The following PTPRN2 variants were observed in gnomAD, a reference collection of about 807,000 sequenced individuals.
The protein encoded by PTPRN2 is protein tyrosine phosphatase receptor type N2.
Under a neutral mutation model 118.8 loss-of-function variants are expected in PTPRN2, and 74 were observed. That is an observed-to-expected ratio of 0.62 (90% confidence interval 0.52 to 0.76). The LOEUF is 0.76. Among genes scored for constraint, PTPRN2 ranks in the 30% least tolerant of loss-of-function variants. The probability of loss-of-function intolerance (pLI) is 0.00; values close to 1 mark genes in which losing one functional copy is unlikely to be tolerated. For missense variants in PTPRN2, 1,481 were observed against 1,394.4 expected, an observed-to-expected ratio of 1.06 and a Z score of -0.99; for synonymous variants, 641 against 608.0, an observed-to-expected ratio of 1.05 and a Z score of -0.80.
At chr7:158,453,684 C>A (rs1158074378) in intron 2 of PTPRN2, among the ~76,000 whole-genome samples, 2 of 152,198 alleles carry the variant, frequency 1.3e-5, no homozygotes, top group Admixed American at 6.5e-5. Flanking sequence ...TTTAAGTGAA[C>A]CATATATATG....
chr7:158,212,689 C>A (rs1029797747), intron 3 of PTPRN2, among the ~76,000 whole-genome samples: 4 of 152,110 alleles, frequency 2.6e-5, no homozygotes, highest in Admixed American at 2.0e-4. Flanking sequence ...AGCAAAGATA[C>A]TCCTCATCCA....
chr7:158,043,273 C>T (rs1035892028), intron 11 of PTPRN2, among the ~76,000 whole-genome samples: 1 of 152,168 alleles, frequency 6.6e-6, no homozygotes, highest in African/African-American at 2.4e-5. Context: ...GGAGCAAATC[C>T]CAGGTTTTAA....
chr7:157,557,984 C>T (rs539353129), intron 21 of PTPRN2, among the ~76,000 whole-genome samples: 3 of 150,776 alleles, frequency 2.0e-5, no homozygotes, highest in East Asian at 1.9e-4. Context: ...AAGTTTCTAT[C>T]GACTGCTGGA....
chr7:157,716,349 A>G (rs113910642), intron 12 of PTPRN2, among the ~76,000 whole-genome samples: 2,693 of 66,768 alleles, frequency 0.04, 65 homozygotes, highest in African/African-American at 0.065. Context: ...TAGACTCTGC[A>G]GGAACACTGC....
chr7:158,342,406 C>G (rs375920184), intron 2 of PTPRN2, among the ~76,000 whole-genome samples: 4 of 106,048 alleles, frequency 3.8e-5, no homozygotes, highest in Non-Finnish European at 8.1e-5. Context: ...GTCACTCACA[C>G]CCACACTCTC....
intron 11 of PTPRN2, among the ~76,000 whole-genome samples, chr7:158,010,977 C>T (rs1806005354): frequency 6.6e-6 from 1 of 152,198 alleles, no homozygotes; most frequent in Non-Finnish European, 1.5e-5. Context: ...CAATCGCCTC[C>T]ACGGAGAAGG....
At chr7:157,815,481 C>T (rs1806336965) in intron 12 of PTPRN2, among the ~76,000 whole-genome samples, 1 of 152,254 alleles carries the variant, frequency 6.6e-6, no homozygotes, top group African/African-American at 2.4e-5. Flanking sequence ...AAGCCGGAGT[C>T]CCAGCCAGTG....
chr7:157,988,121 T>G (rs1803949472), intron 11 of PTPRN2, among the ~76,000 whole-genome samples: 1 of 152,172 alleles, frequency 6.6e-6, no homozygotes, highest in Non-Finnish European at 1.5e-5. Context: ...TTCCCTGCCT[T>G]TCCCGAATTG....
Position 158,003,413 on chromosome 7 carries a change from C to CAA in PTPRN2, c.1723+77883_1723+77884dup, listed in dbSNP as rs11352464. ...TGGGAGACACAGCGAGACTCCGTCT[C>CAA]AAAAAAAAAAAAAAAAAAAAATGAG... On this transcript the variant is annotated intron_variant, in intron 11 of 22. Transcript: ENST00000389418. This position sits in a 1 kb window ranked among gnomAD's most constrained non-coding sequence, Gnocchi z 5.0. Among the ~76,000 whole-genome samples, 740 of 87,352 alleles carry CAA rather than the reference C, an allele frequency of 8.5e-3. 5 individuals carry two copies. Among genetic ancestry groups the CAA allele is most frequent in the African/African-American group, 0.022 (497 of 22,288 alleles). 57.3% of individuals were successfully genotyped at this position (87,352 alleles called of 152,430 possible).
intron 11 of PTPRN2, among the ~76,000 whole-genome samples, chr7:158,067,966 C>T (rs1585319858): frequency 6.6e-6 from 1 of 152,270 alleles, no homozygotes; most frequent in East Asian, 1.9e-4. Context: ...GGTCTGAGGA[C>T]AGCCGCTGAG....
Position 158,266,055 on chromosome 7 carries a change from G to T in PTPRN2, c.277+50764C>A, listed in dbSNP as rs533893173. Among the ~76,000 whole-genome samples the T allele has an allele frequency of 2.0e-4, 30 of 151,966 alleles. No individual in the cohort carries two copies. In the East Asian group the frequency reaches 5.8e-3, roughly 30 times the overall value. ...CGGTGTGATGTCTGGCAGTGAGGCT[G>T]GGGACGGCGTCTGCTGCGGGGTATT... is the stretch of plus-strand genomic sequence containing the variant. On this transcript the variant is annotated intron_variant, in intron 3 of 22. Coordinates refer to ENST00000389418, the MANE Select transcript of PTPRN2 (RefSeq NM_002847.5).
At chr7:157,795,606 C>A (rs901007902) in intron 12 of PTPRN2, among the ~76,000 whole-genome samples, 5 of 152,250 alleles carry the variant, frequency 3.3e-5, no homozygotes, top group Non-Finnish European at 7.3e-5. Context: ...TGAGGTTGAC[C>A]TCATGTTTAT....
rs1002937673 is a variant in PTPRN2 at position 157,585,259 on chromosome 7, C to T, written c.2497-7119G>A. 2.6e-5 allele frequency among the ~76,000 whole-genome samples: 4 copies of T among 152,148 alleles called. No homozygotes were observed. Among genetic ancestry groups the T allele is most frequent in the African/African-American group, 4.8e-5 (2 of 41,432 alleles). ...GCTGCAGCAACCTCTGGGACTTTTC[C>T]ACCAGCAGTATTGCCGCCCAGGAGG... On this transcript the variant is annotated intron_variant, in intron 17 of 22. Coordinates refer to ENST00000389418, the MANE Select transcript of PTPRN2 (RefSeq NM_002847.5). The surrounding 1 kb of genome is among the most constrained non-coding windows in gnomAD (Gnocchi z 5.2).
chr7:158,459,518 C>T (rs892010985), intron 2 of PTPRN2, among the ~76,000 whole-genome samples: 3 of 152,180 alleles, frequency 2.0e-5, no homozygotes, highest in African/African-American at 2.4e-5. Context: ...TATACTGAGC[C>T]GCAAACCCAT....
intron 14 of PTPRN2, among the ~76,000 whole-genome samples, chr7:157,643,958 G>A (rs562793593): frequency 6.6e-6 from 1 of 152,360 alleles, no homozygotes; most frequent in Admixed American, 6.5e-5. Context: ...GGAGACTGGA[G>A]CTTCCCCCGT....
rs577826918 is a variant in PTPRN2 at position 158,240,574 on chromosome 7, G to A, written c.278-35301C>T. On this transcript the variant is annotated intron_variant, in intron 3 of 22. Coordinates refer to ENST00000389418, the MANE Select transcript of PTPRN2 (RefSeq NM_002847.5). The stretch of plus-strand genomic sequence containing the variant: ...CTCCCAAGTAGATGGGATTATAGGT[G>A]TGTGCCACCACACCCGGCTAATTTT... Among the ~76,000 whole-genome samples the A allele has an allele frequency of 2.0e-3, 303 of 152,276 alleles. 5 individuals carry two copies. The highest frequency in any genetic ancestry group is 2.9e-3 in the Non-Finnish European group (195 of 68,024).
At chr7:158,227,075 G>C (rs1271589579) in intron 3 of PTPRN2, among the ~76,000 whole-genome samples, 1 of 152,112 alleles carries the variant, frequency 6.6e-6, no homozygotes, top group African/African-American at 2.4e-5. Flanking sequence ...GGAGGCCTCA[G>C]AGCTACTCAT....
chr7:157,808,598 C>T lies in PTPRN2; in HGVS notation c.1788+90075G>A, dbSNP rs2151111099. ...GTTGCAGGAAAACAAGCTCAGGGCA[C>T]CCACTGATTCTACATGATGGTGGGT... On this transcript the variant is annotated intron_variant, in intron 12 of 22. Transcript: ENST00000389418. This position sits in a 1 kb window ranked among gnomAD's most constrained non-coding sequence, Gnocchi z 5.0. Among the ~76,000 whole-genome samples, 1 of 152,274 alleles carries T rather than the reference C, an allele frequency of 6.6e-6. No individual in the cohort carries two copies. The highest frequency in any genetic ancestry group is 1.5e-5 in the Non-Finnish European group (1 of 68,030).
chr7:158,365,546 GTGT>G (rs1395097267), intron 2 of PTPRN2, among the ~76,000 whole-genome samples: 1 of 152,210 alleles, frequency 6.6e-6, no homozygotes, highest in Non-Finnish European at 1.5e-5. Flanking sequence ...CAGAGCTCAG[GTGT>G]TGTTGAAGCC....
Sources: gnomAD v4.1 joint callset for allele counts (sites outside exome capture counted in the v4.1 genomes callset) on GRCh38, gnomAD v4.1.1 for gene constraint, Gnocchi (gnomAD v3.1) non-coding constraint, MANE v1.5 for transcripts, NCBI Gene and HGNC (gene_info 2026-07-23, HGNC 2026-07-21) for gene names.